Variants in GALM observed in about 807,000 individuals in gnomAD.
The protein encoded by GALM is aldose 1-epimerase.
Under a neutral mutation model 37.4 loss-of-function variants are expected in GALM, and 43 were observed. The ratio of observed to expected loss-of-function variants is 1.15; its 90% CI spans 0.90 to 1.48. The LOEUF is 1.48. GALM is among the 40% of genes most tolerant of loss of function. The pLI is 0.00. For missense variants in GALM, 456 were observed against 419.1 expected (o/e 1.09, Z -0.77); for synonymous variants, 199 against 170.6 (o/e 1.17, Z -1.30).
intron 4 of GALM, among the ~76,000 whole-genome samples, chr2:38,712,145 C>A (rs911892416): frequency 6.6e-6 from 1 of 152,188 alleles, no homozygotes; most frequent in Non-Finnish European, 1.5e-5. Flanking sequence ...TTTACCCTTA[C>A]TTTACACTAT....
intron 4 of GALM, among the ~76,000 whole-genome samples, chr2:38,725,578 T>C (rs1181897569): frequency 6.7e-6 from 1 of 148,158 alleles, no homozygotes; most frequent in African/African-American, 2.5e-5. Context: ...ATATATATAA[T>C]TGGGCATACA....
At chr2:38,696,781 CTTTTTTTT>C (rs34163863) in intron 4 of GALM, among the ~76,000 whole-genome samples, 8 of 68,474 alleles carry the variant, frequency 1.2e-4, no homozygotes, top group African/African-American at 4.6e-4. Flanking sequence ...CCCAAGAAAG[CTTTTTTTT>C]TTTTTTTTTT....
At chr2:38,721,284 G>T (rs955097742) in intron 4 of GALM, among the ~76,000 whole-genome samples, 1 of 152,184 alleles carries the variant, frequency 6.6e-6, no homozygotes, top group Non-Finnish European at 1.5e-5. Context: ...TTAATATTTT[G>T]TGACAGAGAT....
chr2:38,693,483 CA>C (rs11339764), intron 4 of GALM, among the ~76,000 whole-genome samples: 35,762 of 100,802 alleles, frequency 0.35, 3,927 homozygotes, highest in East Asian at 0.54. Context: ...ACTCTGCTTC[CA>C]AAAAAAAAAA....
intron 4 of GALM, among the ~76,000 whole-genome samples, chr2:38,703,093 T>TA (rs1491241597): frequency 4.2e-3 from 28 of 6,676 alleles, no homozygotes; most frequent in African/African-American, 5.2e-3. Context: ...TATATATATA[T>TA]TTTTTTTTTT....
chr2:38,687,974 G>C (rs566346157), intron 3 of GALM, among the ~76,000 whole-genome samples: 1 of 152,124 alleles, frequency 6.6e-6, no homozygotes, highest in Non-Finnish European at 1.5e-5. Context: ...CACTTTGGGA[G>C]GCTGAGGTGG....
At chr2:38,728,462 C>T (rs955718459) in intron 4 of GALM, among the ~76,000 whole-genome samples, 1 of 150,656 alleles carries the variant, frequency 6.6e-6, no homozygotes, top group South Asian at 2.1e-4. Flanking sequence ...TTTGGGAGGC[C>T]GAGGTGGGCA....
intron 4 of GALM, among the ~76,000 whole-genome samples, chr2:38,724,976 T>G (rs777490412): frequency 6.6e-6 from 1 of 152,216 alleles, no homozygotes; most frequent in Non-Finnish European, 1.5e-5. Flanking sequence ...TTTGTAGCTT[T>G]CTTTGTTTCT....
chr2:38,717,222 C>G (rs1238731239), intron 4 of GALM, among the ~76,000 whole-genome samples: 1 of 151,502 alleles, frequency 6.6e-6, no homozygotes, highest in Non-Finnish European at 1.5e-5. Context: ...TGCACCCCAG[C>G]CTGGGCAACA....
Position 38,686,231 on chromosome 2 carries a change from T to TCCTTCCTTCCTTCCTTC in GALM, c.553-3581_553-3580insCTTCCTTCCTTCCTTCC, listed in dbSNP as rs201438260. The stretch of plus-strand genomic sequence containing the variant: ...CACAGAAAGTGGAAATTTCTTTCTT[T>TCCTTCCTTCCTTCCTTC]CTTTCTTTCTTTCTTTCTTTCTTTC... On this transcript the variant is annotated intron_variant, in intron 3 of 6. Transcript: ENST00000272252. Among the ~76,000 whole-genome samples the TCCTTCCTTCCTTCCTTC allele has an allele frequency of 3.6e-4, 12 of 32,886 alleles. No homozygotes were observed. In the East Asian group the frequency reaches 5.4e-3, roughly 15 times the overall value. The allele number at this position is 32,886 out of a possible 152,430, so 21.6% of individuals were successfully genotyped here.
intron 4 of GALM, among the ~76,000 whole-genome samples, chr2:38,725,672 G>C (rs1330523903): frequency 6.6e-6 from 1 of 152,032 alleles, no homozygotes; most frequent in Non-Finnish European, 1.5e-5. Context: ...AGAAAAAGAA[G>C]AATTATTGTT....
chr2:38,716,920 T>G (rs1457645549), intron 4 of GALM, among the ~76,000 whole-genome samples: 1 of 152,178 alleles, frequency 6.6e-6, no homozygotes, highest in Non-Finnish European at 1.5e-5. Context: ...CAGTGTGCTC[T>G]GGAGGCAGAA....
In GALM at chr2:38,693,844, C is replaced by G. The variant is rs146228280; in HGVS notation, c.634+3950C>G. Among the ~76,000 whole-genome samples, 16 of 152,236 alleles carry G rather than the reference C, an allele frequency of 1.1e-4. No individual in the cohort carries two copies. In the East Asian group the frequency reaches 2.5e-3, roughly 24 times the overall value. On this transcript the variant is annotated intron_variant, in intron 4 of 6. Coordinates refer to ENST00000272252, the MANE Select transcript of GALM (RefSeq NM_138801.3). The stretch of plus-strand genomic sequence containing the variant: ...AGGTAGTCTGGTATTAGAACTCAGG[C>G]TCTTAAGTAGACCTGCACTCTACAG...
chr2:38,724,335 A>C (rs773975610), intron 4 of GALM, among the ~76,000 whole-genome samples: 19 of 152,226 alleles, frequency 1.2e-4, no homozygotes, highest in Non-Finnish European at 2.4e-4. Flanking sequence ...GTCTATTCTA[A>C]GTATAATGAG....
In GALM at chr2:38,734,539, CAG is replaced by C. The variant is rs1358225505; in HGVS notation, c.*975_*976del. 2 of 152,092 alleles carry C rather than the reference CAG, an allele frequency of 1.3e-5. No individual in the cohort carries two copies. The highest frequency in any genetic ancestry group is 2.1e-4 in the South Asian group (1 of 4,800). The allele number at this position is 152,092 out of a possible 1,614,324, so 9.4% of individuals were successfully genotyped here. On this transcript the variant is annotated 3_prime_UTR_variant, in exon 7 of 7. Transcript: ENST00000272252. ...AAGAAAGACAGGCAAGCACTGGAAA[CAG>C]GAGCTATTAGGGTGAGGAGAGAGCC...
chr2:38,712,213 C>T (rs568419319), intron 4 of GALM, among the ~76,000 whole-genome samples: 69 of 152,246 alleles, frequency 4.5e-4, no homozygotes, highest in Non-Finnish European at 6.9e-4. Flanking sequence ...TTCATGCTGT[C>T]TGTTATATTG....
chr2:38,688,890 G>A, intron 3 of GALM, among the ~76,000 whole-genome samples: 1 of 152,096 alleles, frequency 6.6e-6, no homozygotes, highest in Non-Finnish European at 1.5e-5. Flanking sequence ...GCGCGATCTT[G>A]GCTCACCGCA....
At chr2:38,702,672 C>T (rs1052479376) in intron 4 of GALM, among the ~76,000 whole-genome samples, 1 of 152,014 alleles carries the variant, frequency 6.6e-6, no homozygotes, top group African/African-American at 2.4e-5. Flanking sequence ...AGAGCTTGCT[C>T]AGATAATCCA....
intron 6 of GALM, among the ~76,000 whole-genome samples, chr2:38,732,248 G>C (rs1057129878): frequency 6.6e-6 from 1 of 152,122 alleles, no homozygotes; most frequent in African/African-American, 2.4e-5. Flanking sequence ...GTAGAGACAG[G>C]GTTCCACCAT....
Sources: allele counts gnomAD v4.1 joint callset (sites outside exome capture counted in the v4.1 genomes callset), GRCh38; gene constraint gnomAD v4.1.1; transcripts MANE v1.5; gene names NCBI Gene and HGNC (gene_info 2026-07-23, HGNC 2026-07-21).